The following SGMS1 variants were observed in gnomAD, a reference collection of about 807,000 sequenced individuals.
SGMS1 encodes the protein phosphatidylcholine:ceramide cholinephosphotransferase 1.
In SGMS1, 13 loss-of-function variants were observed where a neutral mutation model predicts 46.2. The observed-to-expected ratio is 0.28, with a 90% CI of 0.18 to 0.45. SGMS1 has a LOEUF of 0.45. SGMS1 is among the 20% of genes least tolerant of loss of function. The pLI is 1.00. For synonymous variants in SGMS1, 203 were observed against 187.8 expected (o/e 1.08, Z -0.66); for missense variants, 324 against 519.9 (o/e 0.62, Z 3.66).
At chr10:50,507,329 G>A in intron 3 of SGMS1, among the ~76,000 whole-genome samples, 1 of 152,318 alleles carries the variant, frequency 6.6e-6, no homozygotes, top group South Asian at 2.1e-4. Flanking sequence ...AGCTGCCACT[G>A]ATCTGAGTTC....
intron 5 of SGMS1, among the ~76,000 whole-genome samples, chr10:50,433,910 T>C (rs1311236254): frequency 1.3e-5 from 2 of 152,088 alleles, no homozygotes; most frequent in Non-Finnish European, 2.9e-5. Flanking sequence ...TTCTTACCTC[T>C]CCTCAAAAGT....
rs563557982 is a variant in SGMS1 at position 50,496,319 on chromosome 10, A to C, written c.-498+23512T>G. 8.5e-5 allele frequency among the ~76,000 whole-genome samples: 13 copies of C among 152,364 alleles called. No homozygotes were observed. The South Asian group carries it at 1.7e-3, about 19-fold the overall frequency. ...GCTGTCTTGCATAAACTTCAAAAAA[A>C]GTACTCTGCTGGTCAATGGCTGTTC... On this transcript the variant is annotated intron_variant, in intron 3 of 10. Transcript: ENST00000361781.
chr10:50,380,217 A>G (rs1435247853), intron 6 of SGMS1, among the ~76,000 whole-genome samples: 3 of 151,756 alleles, frequency 2.0e-5, no homozygotes, highest in African/African-American at 7.3e-5. Flanking sequence ...CCTGTCTCTA[A>G]TAGAAATACA....
intron 3 of SGMS1, among the ~76,000 whole-genome samples, chr10:50,476,097 C>CA (rs58641986): frequency 0.064 from 2,752 of 43,228 alleles, 240 homozygotes; most frequent in Admixed American, 0.08. Flanking sequence ...ACTAAAAATA[C>CA]AAAAAAAAAA....
chr10:50,600,045 T>C (rs1465017464), intron 1 of SGMS1, among the ~76,000 whole-genome samples: 2 of 152,198 alleles, frequency 1.3e-5, no homozygotes, highest in Admixed American at 6.5e-5. Flanking sequence ...CTTCAAGCTA[T>C]TTCAGCCAAG....
At chr10:50,347,212 C>T (rs1479564510) in intron 6 of SGMS1, among the ~76,000 whole-genome samples, 1 of 152,190 alleles carries the variant, frequency 6.6e-6, no homozygotes, top group Non-Finnish European at 1.5e-5. Context: ...CATAGATCTA[C>T]ATGCCCAGGG....
intron 2 of SGMS1, among the ~76,000 whole-genome samples, chr10:50,541,666 A>G (rs770773864): frequency 6.6e-6 from 1 of 152,164 alleles, no homozygotes; most frequent in Non-Finnish European, 1.5e-5. Flanking sequence ...ATCCTCGAAA[A>G]TGGAATAAAA....
chr10:50,320,041 A>G (rs1169670473), intron 8 of SGMS1, among the ~76,000 whole-genome samples: 2 of 152,140 alleles, frequency 1.3e-5, no homozygotes, highest in Admixed American at 6.5e-5. Context: ...TATATTAGTT[A>G]TTTAGAGTCA....
intron 3 of SGMS1, among the ~76,000 whole-genome samples, chr10:50,512,942 C>G (rs529015841): frequency 4.6e-5 from 7 of 152,282 alleles, no homozygotes; most frequent in Admixed American, 3.3e-4. Flanking sequence ...GTCTTGAAGA[C>G]AGCTAGCCCT....
At chr10:50,605,214 A>T (rs1176412607) in intron 1 of SGMS1, among the ~76,000 whole-genome samples, 12 of 152,202 alleles carry the variant, frequency 7.9e-5, no homozygotes, top group Non-Finnish European at 1.5e-5. Context: ...CCTACCACCC[A>T]GATTTGGGAA....
intron 6 of SGMS1, among the ~76,000 whole-genome samples, chr10:50,344,905 A>G (rs543699394): frequency 1.3e-5 from 2 of 152,032 alleles, no homozygotes; most frequent in African/African-American, 2.4e-5. Flanking sequence ...CCAATGGTCT[A>G]TTTTCTAAGA....
At chr10:50,603,280 G>A (rs1429646938) in intron 1 of SGMS1, among the ~76,000 whole-genome samples, 8 of 152,316 alleles carry the variant, frequency 5.3e-5, no homozygotes, top group Admixed American at 1.3e-4. Flanking sequence ...AACATCCATT[G>A]GTTCCATTGC....
intron 2 of SGMS1, among the ~76,000 whole-genome samples, chr10:50,522,899 C>G (rs538161712): frequency 6.6e-6 from 1 of 152,302 alleles, no homozygotes; most frequent in South Asian, 2.1e-4. Flanking sequence ...CCTCACCCCT[C>G]AAGTAGCTCC....
chr10:50,612,753 G>T (rs942695684), intron 1 of SGMS1, among the ~76,000 whole-genome samples: 1 of 152,190 alleles, frequency 6.6e-6, no homozygotes, highest in Admixed American at 6.5e-5. Context: ...CTGTCGCCCA[G>T]GCTGGAGTGC....
chr10:50,492,977 C>CA (rs1837579519), intron 3 of SGMS1, among the ~76,000 whole-genome samples: 1 of 152,154 alleles, frequency 6.6e-6, no homozygotes, highest in South Asian at 2.1e-4. Flanking sequence ...CTCTTAACCT[C>CA]ACTTTACCTG....
chr10:50,512,568 A>G (rs911331130), intron 3 of SGMS1, among the ~76,000 whole-genome samples: 5 of 152,146 alleles, frequency 3.3e-5, no homozygotes, highest in African/African-American at 1.2e-4. Flanking sequence ...TTGCCAGTCC[A>G]TGAGGGCTGG....
chr10:50,516,122 G>T (rs957682743), intron 3 of SGMS1, among the ~76,000 whole-genome samples: 5 of 152,024 alleles, frequency 3.3e-5, no homozygotes, highest in African/African-American at 1.2e-4. Context: ...ACATATGGTT[G>T]TCTATTGGTA....
At chr10:50,370,898 T>C (rs138859408) in intron 6 of SGMS1, among the ~76,000 whole-genome samples, 1 of 152,286 alleles carries the variant, frequency 6.6e-6, no homozygotes, top group Non-Finnish European at 1.5e-5. Flanking sequence ...GTGATAATGA[T>C]GCCTTCCGGA....
rs572720982 is a variant in SGMS1 at position 50,544,905 on chromosome 10, T to C, written c.-588-24984A>G. On this transcript the variant is annotated intron_variant, in intron 2 of 10. Coordinates refer to ENST00000361781, the MANE Select transcript of SGMS1 (RefSeq NM_147156.4). ...TATTTCCATTTATGTGTTCCAACTA[T>C]TGATACTACCTCCATCTTTATTTGT... Among the ~76,000 whole-genome samples, 32 of 152,328 alleles carry C rather than the reference T, an allele frequency of 2.1e-4. No homozygotes were observed. The South Asian group carries it at 5.8e-3, about 28-fold the overall frequency.
Sources: allele counts gnomAD v4.1 joint callset (sites outside exome capture counted in the v4.1 genomes callset), GRCh38; gene constraint gnomAD v4.1.1; transcripts MANE v1.5; gene names NCBI Gene and HGNC (gene_info 2026-07-23, HGNC 2026-07-21).